CADPS: variants seen among roughly 807,000 people sequenced by gnomAD.
The protein encoded by CADPS is calcium dependent secretion activator.
Under a neutral mutation model 167.3 loss-of-function variants are expected in CADPS, and 57 were observed. That is an observed-to-expected ratio of 0.34 (90% CI 0.28 to 0.42). CADPS has a LOEUF of 0.42. Among genes scored for constraint, CADPS ranks in the 20% least tolerant of loss-of-function variants. CADPS has a pLI of 1.00. For synonymous variants in CADPS, 676 were observed against 635.3 expected (o/e 1.06, Z -0.96); for missense variants, 1,414 against 1,738.1 (o/e 0.81, Z 3.32).
chr3:62,798,145 CTGAG>C lies in CADPS; in HGVS notation c.442-32165_442-32162del, dbSNP rs201889465. On this transcript the variant is annotated intron_variant, in intron 1 of 29. Coordinates refer to ENST00000383710, the MANE Select transcript of CADPS (RefSeq NM_003716.4). ...CAGATAAACAATGTGATGGCTAATA[CTGAG>C]TGTCAACTTGATTGGATTGCTCCTG... Among the ~76,000 whole-genome samples the C allele has an allele frequency of 9.7e-3, 1,474 of 152,230 alleles. 23 individuals are homozygous for C. Among genetic ancestry groups the C allele is most frequent in the African/African-American group, 0.033 (1,373 of 41,540 alleles).
rs2059996392 is a variant in CADPS at position 62,601,693 on chromosome 3, T to C, written c.1326-8945A>G. ...TCCTGATCCACTTGAGCTGGCTGACTCATTTAGTCACACTACATCATTATT... is the reference window on the plus strand; with the variant it reads ...TCCTGATCCACTTGAGCTGGCTGACCCATTTAGTCACACTACATCATTATT... On this transcript the variant is annotated intron_variant, in intron 6 of 29. Coordinates refer to ENST00000383710, the MANE Select transcript of CADPS (RefSeq NM_003716.4). The surrounding 1 kb of genome is among the most constrained non-coding windows in gnomAD (Gnocchi z 4.3). Among the ~76,000 whole-genome samples, 1 of 152,212 alleles carries C rather than the reference T, an allele frequency of 6.6e-6. No individual in the cohort carries two copies. The highest frequency in any genetic ancestry group is 2.1e-4 in the South Asian group (1 of 4,832).
At chr3:62,424,482 C>T (rs989105661) in intron 28 of CADPS, among the ~76,000 whole-genome samples, 3 of 152,132 alleles carry the variant, frequency 2.0e-5, no homozygotes, top group Non-Finnish European at 4.4e-5. Context: ...CGCGCCTGGC[C>T]TGATAATTCA....
At chr3:62,677,524 T>C (rs2076513176) in intron 3 of CADPS, among the ~76,000 whole-genome samples, 1 of 152,006 alleles carries the variant, frequency 6.6e-6, no homozygotes, top group Non-Finnish European at 1.5e-5. Context: ...CCACTGCCAA[T>C]AGTGGGTAGA....
intron 28 of CADPS, among the ~76,000 whole-genome samples, chr3:62,418,173 T>C (rs2050523696): frequency 6.6e-6 from 1 of 152,032 alleles, no homozygotes; most frequent in Non-Finnish European, 1.5e-5. Flanking sequence ...TTTATATGAA[T>C]TTGTTCTCTA....
chr3:62,583,607 T>G (rs1230479840), intron 8 of CADPS, among the ~76,000 whole-genome samples: 1 of 152,134 alleles, frequency 6.6e-6, no homozygotes, highest in Non-Finnish European at 1.5e-5. Flanking sequence ...AGGCTTGGCA[T>G]AATTTGGCCT....
intron 1 of CADPS, among the ~76,000 whole-genome samples, chr3:62,873,606 G>A (rs1286703738): frequency 1.4e-5 from 2 of 139,248 alleles, no homozygotes; most frequent in South Asian, 2.4e-4. Flanking sequence ...ACAGCTGATA[G>A]AAATAGGCGC....
At chr3:62,681,357 T>C (rs1054177428) in intron 3 of CADPS, among the ~76,000 whole-genome samples, 2 of 152,112 alleles carry the variant, frequency 1.3e-5, no homozygotes, top group Non-Finnish European at 2.9e-5. Context: ...GACTGACCTC[T>C]GTTTCTCCAT....
At chr3:62,814,709 T>C (rs1005509634) in intron 1 of CADPS, among the ~76,000 whole-genome samples, 6 of 152,138 alleles carry the variant, frequency 3.9e-5, no homozygotes, top group African/African-American at 1.2e-4. Context: ...TCTGAAAATA[T>C]AACACAAATT....
chr3:62,459,297 C>G (rs1017610501), intron 26 of CADPS, among the ~76,000 whole-genome samples: 3 of 152,220 alleles, frequency 2.0e-5, no homozygotes, highest in Non-Finnish European at 1.5e-5. Context: ...GAGCTGGTCT[C>G]TCTGTGACCT....
rs374035152 is a variant in CADPS, at chr3:62,518,209, C to T, written c.2333G>A (p.Arg778His). 29 of 1,612,738 alleles carry T rather than the reference C, an allele frequency of 1.8e-5. No homozygotes were observed. Among genetic ancestry groups the T allele is most frequent in the African/African-American group, 1.2e-4 (9 of 74,852 alleles). ...GAGCCTCTCTTTGATTTCTTCAAAA[C>T]GTTCCTTTTCTTCAACAGTCACAGT... The part of the protein sequence containing the change: ...IGTVTVEEKE[R>H]FEEIKERLRV... Residue 778 changes from arginine to histidine, a missense_variant, in exon 14 of 30, where the codon CGT becomes CAT. Arg to His is a conservative substitution (Grantham distance 29, BLOSUM62 0). This residue lies in a region of CADPS where 529 missense variants were observed against 629.6 expected (regional missense o/e 0.84). Transcript: ENST00000383710.
At chr3:62,523,409 A>G (rs1242030622) in intron 13 of CADPS, among the ~76,000 whole-genome samples, 13 of 152,202 alleles carry the variant, frequency 8.5e-5, no homozygotes, top group Admixed American at 4.6e-4. Context: ...TCAAGATTCA[A>G]TGTGTTTTGT....
chr3:62,792,889 C>T (rs1355377005), intron 1 of CADPS, among the ~76,000 whole-genome samples: 1 of 152,164 alleles, frequency 6.6e-6, no homozygotes, highest in Non-Finnish European at 1.5e-5. Context: ...TAAGTCACTG[C>T]ACACAGCTAA....
chr3:62,715,381 T>C (rs200915891), intron 3 of CADPS, among the ~76,000 whole-genome samples: 1 of 126,134 alleles, frequency 7.9e-6, no homozygotes, highest in Non-Finnish European at 1.6e-5. Flanking sequence ...TACCTATCTA[T>C]CTATCTATCT....
At chr3:62,739,973 C>A (rs940957398) in intron 3 of CADPS, among the ~76,000 whole-genome samples, 7 of 152,178 alleles carry the variant, frequency 4.6e-5, no homozygotes, top group Non-Finnish European at 1.0e-4. Context: ...TGTTCATAAG[C>A]TATTTTACAC....
At chr3:62,814,069 G>T (rs2094503722) in intron 1 of CADPS, among the ~76,000 whole-genome samples, 1 of 152,094 alleles carries the variant, frequency 6.6e-6, no homozygotes, top group African/African-American at 2.4e-5. Context: ...TAAGGTAAAA[G>T]ATAGTTGCAA....
chr3:62,719,273 C>A (rs1226061906), intron 3 of CADPS, among the ~76,000 whole-genome samples: 1 of 152,240 alleles, frequency 6.6e-6, no homozygotes, highest in Non-Finnish European at 1.5e-5. Context: ...TCTAGACACT[C>A]TCCTGGCCCA....
intron 3 of CADPS, among the ~76,000 whole-genome samples, chr3:62,727,145 G>C (rs2076891021): frequency 6.6e-6 from 1 of 151,758 alleles, no homozygotes; most frequent in Non-Finnish European, 1.5e-5. Flanking sequence ...CCAAAAGAAA[G>C]AGAATTGAGT....
At position 62,420,038 on chromosome 3, in the gene CADPS, C is replaced by T. The variant is rs1294087693; in HGVS notation, c.3778-16853G>A. ...TTTCCCGGGCTGAGGTGGTTTTCAT[C>T]ATTACTCTCAACATACAAAAGCATG... On this transcript the variant is annotated intron_variant, in intron 28 of 29. Coordinates refer to ENST00000383710, the MANE Select transcript of CADPS (RefSeq NM_003716.4). This position sits in a 1 kb window ranked among gnomAD's most constrained non-coding sequence, Gnocchi z 4.1. 6.6e-6 allele frequency among the ~76,000 whole-genome samples: 1 copy of T among 152,098 alleles called. No homozygotes were observed. The highest frequency in any genetic ancestry group is 1.5e-5 in the Non-Finnish European group (1 of 68,018).
chr3:62,587,326 T>C (rs1104168), intron 7 of CADPS, among the ~76,000 whole-genome samples: 82,156 of 152,102 alleles, frequency 0.54, 24,874 homozygotes, highest in Non-Finnish European at 0.67. Context: ...ATGAGTGAGA[T>C]AGGGCACTGC....
Sources: gnomAD v4.1 joint callset for allele counts (sites outside exome capture counted in the v4.1 genomes callset) on GRCh38, gnomAD v4.1.1 for gene constraint, gnomAD v4.1.1 regional missense constraint, Gnocchi (gnomAD v3.1) non-coding constraint, MANE v1.5 for transcripts, NCBI Gene and HGNC (gene_info 2026-07-23, HGNC 2026-07-21) for gene names.